The following MYL4 variants were observed in gnomAD, a reference collection of about 807,000 sequenced individuals.
MYL4 encodes atrial myosin light chain 1.
In MYL4, 16 loss-of-function variants were observed where a neutral mutation model predicts 21.6. The ratio of observed to expected loss-of-function variants is 0.74; its 90% confidence interval spans 0.50 to 1.12. The LOEUF (loss-of-function observed/expected upper bound fraction) is 1.12, where lower values mean the gene tolerates loss of function less well. MYL4 is among the 50% of genes most tolerant of loss of function. MYL4 has a pLI of 0.00. For missense variants in MYL4, 249 were observed against 252.9 expected (o/e 0.98, Z 0.11); for synonymous variants, 82 against 95.7 (o/e 0.86, Z 0.83).
chr17:47,213,342 A>AC (rs1466925618), intron 1 of MYL4, among the ~76,000 whole-genome samples: 1 of 152,008 alleles, frequency 6.6e-6, no homozygotes, highest in Non-Finnish European at 1.5e-5. Context: ...TAGTTCCAGG[A>AC]CCCCCACGGA....
Position 47,219,554 on chromosome 17 carries a change from G to T in MYL4, c.164-350G>T, listed in dbSNP as rs1598658809. Among the ~76,000 whole-genome samples the T allele has an allele frequency of 9.9e-5, 15 of 152,190 alleles. No homozygotes were observed. In the South Asian group the frequency reaches 3.1e-3, roughly 32 times the overall value. On this transcript the variant is annotated intron_variant, in intron 2 of 6. Coordinates refer to ENST00000393450, the MANE Select transcript of MYL4 (RefSeq NM_002476.2). ...GATGGAGTTTCACTCTGTCACCCAG[G>T]CTGGAGTGCAGTGGTGCGATCTTGG...
chr17:47,217,615 C>G (rs1183895924), intron 2 of MYL4, among the ~76,000 whole-genome samples: 1 of 152,200 alleles, frequency 6.6e-6, no homozygotes, highest in Non-Finnish European at 1.5e-5. Flanking sequence ...TAAGATAATA[C>G]TAGCAGCATT....
intron 2 of MYL4, among the ~76,000 whole-genome samples, chr17:47,218,410 T>A (rs2064830842): frequency 6.6e-6 from 1 of 152,204 alleles, no homozygotes; most frequent in African/African-American, 2.4e-5. Context: ...AGTAAAGCAC[T>A]TCTTTGTGGG....
the MYL4 span, among the ~76,000 whole-genome samples, chr17:47,192,912 G>A: frequency 2.0e-5 from 3 of 152,140 alleles, no homozygotes; most frequent in Non-Finnish European, 4.4e-5. Context: ...TCCAAAAATG[G>A]AATTGGAAAA....
chr17:47,195,131 T>C, the MYL4 span, among the ~76,000 whole-genome samples: 1 of 145,782 alleles, frequency 6.9e-6, no homozygotes, highest in Non-Finnish European at 1.5e-5. Context: ...CACTCTTGGC[T>C]CACTGCAAAC....
At chr17:47,203,607 G>A (rs778067017) in intron 1 of MYL4, among the ~76,000 whole-genome samples, 3 of 151,964 alleles carry the variant, frequency 2.0e-5, no homozygotes, top group Non-Finnish European at 4.4e-5. Context: ...ATCTCTTTTA[G>A]CATGATTTTT....
downstream of MYL4, among the ~76,000 whole-genome samples, chr17:47,226,153 G>C (rs988603349): frequency 4.6e-5 from 7 of 152,128 alleles, no homozygotes; most frequent in Non-Finnish European, 1.0e-4. Flanking sequence ...GTAGCTTACT[G>C]TCCACTTAAG....
chr17:47,207,613 T>C (rs1008464640), upstream of MYL4, among the ~76,000 whole-genome samples: 1 of 152,224 alleles, frequency 6.6e-6, no homozygotes, highest in African/African-American at 2.4e-5. Flanking sequence ...AAACTGGGCC[T>C]AGAAAGGCGA....
chr17:47,200,664 T>C, intron 1 of MYL4: 2 of 152,316 alleles, frequency 1.3e-5, no homozygotes, highest in East Asian at 1.9e-4. Flanking sequence ...CCCTCTGCTT[T>C]AGATCCCTAG....
intron 2 of MYL4, 53 bp downstream of exon 2, chr17:47,213,879 G>A (rs756825397): frequency 1.3e-6 from 2 of 1,577,788 alleles, no homozygotes; most frequent in Non-Finnish European, 1.7e-6. Context: ...CCTGGAGGAG[G>A]AGGAGGAGGA....
intron 2 of MYL4, among the ~76,000 whole-genome samples, chr17:47,219,571 C>T (rs7213590): frequency 0.016 from 2,358 of 152,000 alleles, 55 homozygotes; most frequent in African/African-American, 0.054. Flanking sequence ...TGCAGTGGTG[C>T]GATCTTGGCT....
intron 2 of MYL4, among the ~76,000 whole-genome samples, chr17:47,219,449 A>AC (rs200544119): frequency 0.016 from 2,366 of 152,140 alleles, 55 homozygotes; most frequent in African/African-American, 0.054. Flanking sequence ...GGAGTCAGGA[A>AC]CCTCACCTAC....
chr17:47,209,785 C>T, intron 1 of MYL4: 1 of 631,878 alleles, frequency 1.6e-6, no homozygotes, highest in African/African-American at 1.8e-5. Context: ...TGAGGGAGCC[C>T]TGTCCTGCTA....
At chr17:47,212,393 A>G (rs929453376) in intron 1 of MYL4, among the ~76,000 whole-genome samples, 3 of 152,218 alleles carry the variant, frequency 2.0e-5, no homozygotes, top group African/African-American at 7.2e-5. Flanking sequence ...CATTTCAGTG[A>G]ACAATAACAA....
At chr17:47,225,927 A>G (rs997609600), downstream of MYL4, among the ~76,000 whole-genome samples, 2 of 143,612 alleles carry the variant, frequency 1.4e-5, no homozygotes, top group African/African-American at 2.6e-5. Context: ...GGTTTGTTAC[A>G]TAGGTAAATT....
chr17:47,202,024 C>T (rs565597260), intron 1 of MYL4, among the ~76,000 whole-genome samples: 2 of 152,120 alleles, frequency 1.3e-5, no homozygotes, highest in South Asian at 2.1e-4. Flanking sequence ...CTCATTCTGT[C>T]GCCCAGGCTG....
chr17:47,222,990 G>A, intron 5 of MYL4, 24 bp from the exon 6 acceptor site: 2 of 1,614,122 alleles, frequency 1.2e-6, no homozygotes, highest in South Asian at 1.1e-5. Flanking sequence ...GCCACATGGT[G>A]GCTGATTTTC....
chr17:47,223,860 G>T (rs2064875431), downstream of MYL4, among the ~76,000 whole-genome samples: 1 of 152,116 alleles, frequency 6.6e-6, no homozygotes, highest in Non-Finnish European at 1.5e-5. Context: ...TAGAGATATT[G>T]GGGTCAGACC....
intron 1 of MYL4, among the ~76,000 whole-genome samples, chr17:47,213,044 G>A (rs996923570): frequency 2.6e-5 from 4 of 152,156 alleles, no homozygotes; most frequent in African/African-American, 7.2e-5. Context: ...AGAGCAGTCC[G>A]AGTGTGGGGA....
Sources: gnomAD v4.1 joint callset for allele counts (sites outside exome capture counted in the v4.1 genomes callset) on GRCh38, gnomAD v4.1.1 for gene constraint, MANE v1.5 for transcripts, NCBI Gene and HGNC (gene_info 2026-07-23, HGNC 2026-07-21) for gene names.